Variants in ESAM observed in about 807,000 individuals in gnomAD.
ESAM encodes endothelial cell adhesion molecule.
Under a neutral mutation model 31.8 loss-of-function variants are expected in ESAM, and 23 were observed. The ratio of observed to expected loss-of-function variants is 0.72; its 90% CI spans 0.52 to 1.03. The LOEUF is 1.03. ESAM is among the 50% of genes least tolerant of loss of function. The pLI is 0.00. For synonymous variants in ESAM, 216 were observed against 207.2 expected, an observed-to-expected ratio of 1.04 and a Z score of -0.37; for missense variants, 478 against 488.9, an observed-to-expected ratio of 0.98 and a Z score of 0.21.
Position 124,754,516 on chromosome 11 carries a change from A to G in ESAM, c.730+125T>C. The stretch of plus-strand genomic sequence containing the variant: ...TCACTGACCAACCATTTGTACAAAC[A>G]TTTGATCAGGGGAAGCTCCGTGCCC... On this transcript the variant is annotated intron_variant, in intron 5 of 6. Transcript: ENST00000278927. This position sits in a 1 kb window ranked among gnomAD's most constrained non-coding sequence, Gnocchi z 4.5. The G allele has an allele frequency of 6.6e-7, 1 of 1,510,402 alleles. No homozygotes were observed. The highest frequency in any genetic ancestry group is 1.3e-5 in the South Asian group (1 of 75,800). 93.6% of individuals were successfully genotyped at this position (1,510,402 alleles called of 1,614,324 possible).
Position 124,756,537 on chromosome 11 carries a change from T to A in ESAM, c.451+4A>T. ...AGGGGTCCGGAAATCTGCTTCTCAC[T>A]CACCCAGTACATTGAGTTCTAAGGT... On this transcript the variant is annotated splice_donor_region_variant and intron_variant, in intron 3 of 6. Transcript: ENST00000278927. The A allele has an allele frequency of 6.2e-7, 1 of 1,613,736 alleles. No homozygotes were observed. Among genetic ancestry groups the A allele is most frequent in the Non-Finnish European group, 8.5e-7 (1 of 1,179,746 alleles).
At chr11:124,756,018 G>C (rs1944148635) in intron 4 of ESAM, among the ~76,000 whole-genome samples, 189 bp downstream of exon 4, 1 of 152,202 alleles carries the variant, frequency 6.6e-6, no homozygotes, top group African/African-American at 2.4e-5. Context: ...GTATACACAT[G>C]TGAATGCACC....
At position 124,756,227 on chromosome 11, in the gene ESAM, G is replaced by A; in HGVS notation, c.587C>T (p.Thr196Ile). 6.2e-7 allele frequency: 1 copy of A among 1,614,008 alleles called. No homozygotes were observed. Among genetic ancestry groups the A allele is most frequent in the South Asian group, 1.1e-5 (1 of 91,074 alleles). Reference sequence around the variant, plus strand: ...CTCACCTAATGCTGGTGCAAAGAAAGTCTGGAAGGATGGAAGCTGCCGATC... The same window carrying A: ...CTCACCTAATGCTGGTGCAAAGAAAATCTGGAAGGATGGAAGCTGCCGATC... ...QWDRQLPSFQ[T>I]FFAPALDVIR... Residue 196 changes from threonine (T) to isoleucine (I), a missense_variant, in exon 4 of 7, where the codon ACT becomes ATT. Transcript: ENST00000278927.
At position 124,754,223 on chromosome 11, in the gene ESAM, T is replaced by C. The variant is rs550264225; in HGVS notation, c.848A>G (p.Asn283Ser). The change falls in exon 6 of 7, where the codon AAT (asparagine) becomes AGT (serine). Residue 283 changes from asparagine to serine, a missense_variant. Transcript: ENST00000278927. The surrounding 1 kb of genome is among the most constrained non-coding windows in gnomAD (Gnocchi z 4.5). ...RRGKALEEPANDIKEDAIAPR... is the reference protein window; with the variant it reads ...RRGKALEEPASDIKEDAIAPR... ...CACCAGGGACACTTACTTGATATCA[T>C]TGGCTGGCTCCTCCAGGGCCTTGCC... The C allele has an allele frequency of 7.4e-6, 12 of 1,613,890 alleles. No individual in the cohort carries two copies. The highest frequency in any genetic ancestry group is 6.7e-5 in the East Asian group (3 of 44,858).
Position 124,753,916 on chromosome 11 carries a change from T to G in ESAM, c.903A>C (p.Ser301=). 1 of 1,613,984 alleles carries G rather than the reference T, an allele frequency of 6.2e-7. No homozygotes were observed. Among genetic ancestry groups the G allele is most frequent in the Non-Finnish European group, 8.5e-7 (1 of 1,179,986 alleles). ...GGGTCCCATTCTTGGAGATTGTGTC[T>G]GAGCTCTTGGGCCAGGGCAGGGTCC... ...APRTLPWPKS[S]DTISKNGTLS... is the part of the protein sequence containing the mutation. Residue 301 remains serine (S), a synonymous_variant, in exon 7 of 7, where the codon TCA becomes TCC. Coordinates refer to ENST00000278927, the MANE Select transcript of ESAM (RefSeq NM_138961.3).
chr11:124,754,536 G>C lies in ESAM; in HGVS notation c.730+105C>G, dbSNP rs1392588853. 1 of 1,524,972 alleles carries C rather than the reference G, an allele frequency of 6.6e-7. No homozygotes were observed. The highest frequency in any genetic ancestry group is 2.3e-5 in the East Asian group (1 of 44,100). The allele number at this position is 1,524,972 out of a possible 1,614,324, so 94.5% of individuals were successfully genotyped here. ...CAAACATTTGATCAGGGGAAGCTCC[G>C]TGCCCTGCTACAGAGACAGGCCTCA... On this transcript the variant is annotated intron_variant, in intron 5 of 6. Transcript: ENST00000278927. The surrounding 1 kb of genome is among the most constrained non-coding windows in gnomAD (Gnocchi z 4.5).
Position 124,758,426 on chromosome 11 carries a change from C to G in ESAM, c.172G>C (p.Gly58Arg), listed in dbSNP as rs145943464. The G allele has an allele frequency of 1.9e-6, 3 of 1,614,128 alleles. No individual in the cohort carries two copies. The East Asian group carries it at 6.7e-5, about 36-fold the overall frequency. Reference sequence around the variant, plus strand: ...CATGGCTGGGATGAAGACACCTCCCCGTGCAAGGTGTACCACGCTGGAAGC... The same window carrying G: ...CATGGCTGGGATGAAGACACCTCCCGGTGCAAGGTGTACCACGCTGGAAGC... ...VVLPAWYTLH[G>R]EVSSSQPWEV... is the part of the protein sequence containing the mutation. The change falls in exon 2 of 7, where the codon GGG becomes CGG. Residue 58 changes from glycine to arginine, a missense_variant. Transcript: ENST00000278927.
Position 124,756,346 on chromosome 11 carries a change from T to G in ESAM, c.468A>C (p.Pro156=), listed in dbSNP as rs1262490478. ...ELNVLVPPAP[P]SCRLQGVPHV... ...GGGGCACACCCTGGAGACGGCAGGATGGAGGAGCTGGAGGAACTGGGCAGG... is the reference window on the plus strand; with the variant it reads ...GGGGCACACCCTGGAGACGGCAGGAGGGAGGAGCTGGAGGAACTGGGCAGG... Residue 156 remains proline (P), a synonymous_variant, in exon 4 of 7, where the codon CCA becomes CCC. Coordinates refer to ENST00000278927, the MANE Select transcript of ESAM (RefSeq NM_138961.3). The G allele has an allele frequency of 1.2e-6, 2 of 1,604,510 alleles. No individual in the cohort carries two copies. Among genetic ancestry groups the G allele is most frequent in the Non-Finnish European group, 1.7e-6 (2 of 1,175,100 alleles).
rs955861844 is a variant in ESAM, at chr11:124,759,950, C to A, written c.71-1423G>T. Among the ~76,000 whole-genome samples the A allele has an allele frequency of 1.3e-5, 2 of 152,230 alleles. No homozygotes were observed. Among genetic ancestry groups the A allele is most frequent in the South Asian group, 2.1e-4 (1 of 4,832 alleles). On this transcript the variant is annotated intron_variant, in intron 1 of 6. Transcript: ENST00000278927. This position sits in a 1 kb window ranked among gnomAD's most constrained non-coding sequence, Gnocchi z 6.8. ...GGAGCCTGCAGGTGCTGCCGGCTCT[C>A]CCCCAGCCTTTCTACGACACACACC...
At position 124,754,128 on chromosome 11, in the gene ESAM, C is replaced by T; in HGVS notation, c.857+86G>A. Reference sequence around the variant, plus strand: ...TGATGTTTCAGCCACTGACCCCATCCCAATAGATGAGAGCTGCCTGAATTC... The same window carrying T: ...TGATGTTTCAGCCACTGACCCCATCTCAATAGATGAGAGCTGCCTGAATTC... On this transcript the variant is annotated intron_variant, in intron 6 of 6. Coordinates refer to ENST00000278927, the MANE Select transcript of ESAM (RefSeq NM_138961.3). This position sits in a 1 kb window ranked among gnomAD's most constrained non-coding sequence, Gnocchi z 4.5. The T allele has an allele frequency of 6.4e-7, 1 of 1,568,638 alleles. No homozygotes were observed. The highest frequency in any genetic ancestry group is 2.2e-5 in the East Asian group (1 of 44,566).
intron 1 of ESAM, among the ~76,000 whole-genome samples, chr11:124,761,868 T>TTCC (rs1555110487): frequency 2.7e-5 from 4 of 150,906 alleles, no homozygotes; most frequent in African/African-American, 9.8e-5. Context: ...TGCCCTTACC[T>TTCC]CCCCCCGCCA....
rs567320003 is a variant in ESAM, at chr11:124,758,520, G to T, written c.78C>A (p.Pro26=). 7.3e-5 allele frequency: 113 copies of T among 1,556,402 alleles called. No individual in the cohort carries two copies. The African/African-American group carries it at 1.1e-3, about 15-fold the overall frequency. The change falls in exon 2 of 7, where the codon CCC becomes CCA. Residue 26 remains proline, a synonymous_variant. Coordinates refer to ENST00000278927, the MANE Select transcript of ESAM (RefSeq NM_138961.3). ...AGTGCAGTTGCAGCTGGGCCCGCGA[G>T]GGGGGCGCTGGAGACAAGAGCGAGG... ...LFLGLSALAP[P]SRAQLQLHLP... is the part of the protein sequence containing the mutation.
rs1224105612 is a variant in ESAM at position 124,754,454 on chromosome 11, CAAG to C, written c.731-117_731-115del. ...ATACACATTCCCTCTTTTTCCCTGT[CAAG>C]AAGAGGGGTGGCTGTTGAGCAGGAA... On this transcript the variant is annotated intron_variant, in intron 5 of 6. Transcript: ENST00000278927. The surrounding 1 kb of genome is among the most constrained non-coding windows in gnomAD (Gnocchi z 4.5). 8.6e-6 allele frequency: 13 copies of C among 1,505,776 alleles called. No individual in the cohort carries two copies. Among genetic ancestry groups the C allele is most frequent in the Non-Finnish European group, 1.2e-5 (13 of 1,121,438 alleles). The allele number at this position is 1,505,776 out of a possible 1,614,324, so 93.3% of individuals were successfully genotyped here. A position where few individuals can be genotyped will look rare whatever the true frequency, so the allele number is the denominator to read the frequency against.
chr11:124,760,932 A>T (rs1266068306), intron 1 of ESAM, among the ~76,000 whole-genome samples: 1 of 152,192 alleles, frequency 6.6e-6, no homozygotes, highest in Non-Finnish European at 1.5e-5. Flanking sequence ...CACCAAGCCC[A>T]GAGGGACAGA....
intron 2 of ESAM, among the ~76,000 whole-genome samples, chr11:124,758,041 T>C (rs1275410923): frequency 6.6e-6 from 1 of 152,164 alleles, no homozygotes; most frequent in Non-Finnish European, 1.5e-5. Flanking sequence ...TTACTTCCCC[T>C]AAGCGTTTCC....
intron 1 of ESAM, among the ~76,000 whole-genome samples, chr11:124,761,163 C>T (rs1018875182): frequency 2.0e-5 from 3 of 152,108 alleles, no homozygotes; most frequent in African/African-American, 7.2e-5. Flanking sequence ...GAGTTAAAGT[C>T]AATATAGCTA....
intron 4 of ESAM, among the ~76,000 whole-genome samples, chr11:124,755,112 C>T (rs539253945): frequency 6.6e-6 from 1 of 152,244 alleles, no homozygotes; most frequent in African/African-American, 2.4e-5. Context: ...AACGTGGGTT[C>T]CAGAACAGGC....
At chr11:124,761,795 A>G (rs1944232594) in intron 1 of ESAM, among the ~76,000 whole-genome samples, 1 of 138,428 alleles carries the variant, frequency 7.2e-6, no homozygotes, top group Admixed American at 7.1e-5. Flanking sequence ...GGGGGTGGGG[A>G]GTGGACAGGG....
At position 124,754,492 on chromosome 11, in the gene ESAM, C is replaced by A. The variant is rs1298186294; in HGVS notation, c.730+149G>T. On this transcript the variant is annotated intron_variant, in intron 5 of 6. Transcript: ENST00000278927. The surrounding 1 kb of genome is among the most constrained non-coding windows in gnomAD (Gnocchi z 4.5). ...GGCTGTTGAGCAGGAAATGACCAGT[C>A]ACTGACCAACCATTTGTACAAACAT... 13 of 1,501,462 alleles carry A rather than the reference C, an allele frequency of 8.7e-6. No homozygotes were observed. Among genetic ancestry groups the A allele is most frequent in the African/African-American group, 2.8e-5 (2 of 71,692 alleles). The allele number at this position is 1,501,462 out of a possible 1,614,324, so 93.0% of individuals were successfully genotyped here. A position where few individuals can be genotyped will look rare whatever the true frequency, so the allele number is the denominator to read the frequency against.
Sources: allele counts gnomAD v4.1 joint callset (sites outside exome capture counted in the v4.1 genomes callset), GRCh38; gene constraint gnomAD v4.1.1; non-coding constraint Gnocchi (gnomAD v3.1); transcripts MANE v1.5; gene names NCBI Gene and HGNC (gene_info 2026-07-23, HGNC 2026-07-21).